Variants in AACS observed in about 807,000 individuals in gnomAD.
AACS encodes acetoacetyl-CoA synthetase, also known as acetoacetate-CoA ligase.
A neutral mutation model predicts 83.1 loss-of-function variants in AACS; 69 were observed. The observed-to-expected ratio is 0.83, with a 90% CI of 0.68 to 1.01. AACS has a LOEUF of 1.01. Among genes scored for constraint, AACS ranks in the 50% least tolerant of loss-of-function variants. The pLI, the probability that AACS is intolerant of heterozygous loss-of-function variation, is 0.00. For missense variants in AACS, 866 were observed against 882.2 expected (o/e 0.98, Z 0.23); for synonymous variants, 333 against 343.4 (o/e 0.97, Z 0.33).
rs922421929 is a variant in AACS, at chr12:125,129,558, C to T, written c.1549+98C>T. The T allele has an allele frequency of 6.2e-6, 9 of 1,456,970 alleles. No individual in the cohort carries two copies. The highest frequency in any genetic ancestry group is 2.2e-5 in the Admixed American group (1 of 45,180). 90.3% of individuals were successfully genotyped at this position (1,456,970 alleles called of 1,614,324 possible). On this transcript the variant is annotated intron_variant, in intron 14 of 17. Transcript: ENST00000316519. This position sits in a 1 kb window ranked among gnomAD's most constrained non-coding sequence, Gnocchi z 4.3. ...CATCGTGCCCCTCCCCTCTTCCTTC[C>T]CCCACCAGGGCTTGGAGAAGCTGCT...
At position 125,113,838 on chromosome 12, in the gene AACS, T is replaced by C. The variant is rs2136109548; in HGVS notation, c.916-639T>C. ...TTTCATAGTATCTGCTTCAGAGTTCTGGACCGTGCAAATACATTGCCTATT... is the reference window on the plus strand; with the variant it reads ...TTTCATAGTATCTGCTTCAGAGTTCCGGACCGTGCAAATACATTGCCTATT... On this transcript the variant is annotated intron_variant, in intron 8 of 17. Transcript: ENST00000316519. The surrounding 1 kb of genome is among the most constrained non-coding windows in gnomAD (Gnocchi z 4.8). Among the ~76,000 whole-genome samples, 1 of 152,304 alleles carries C rather than the reference T, an allele frequency of 6.6e-6. No individual in the cohort carries two copies. The highest frequency in any genetic ancestry group is 2.1e-4 in the South Asian group (1 of 4,816).
intron 1 of AACS, among the ~76,000 whole-genome samples, chr12:125,073,128 C>A (rs1178316960): frequency 6.6e-6 from 1 of 151,938 alleles, no homozygotes; most frequent in East Asian, 1.9e-4. Flanking sequence ...TGGGGTTTCA[C>A]TATTTTGGCC....
intron 5 of AACS, among the ~76,000 whole-genome samples, chr12:125,093,976 G>A (rs779451973): frequency 1.7e-4 from 26 of 152,286 alleles, no homozygotes; most frequent in Middle Eastern, 3.4e-3. Context: ...CATAGCGCTT[G>A]GTCCCACAGA....
Position 125,142,089 on chromosome 12 carries a change from C to T in AACS, c.1882-3C>T, listed in dbSNP as rs756204589. 1.2e-6 allele frequency: 2 copies of T among 1,613,984 alleles called. No homozygotes were observed. The highest frequency in any genetic ancestry group is 1.7e-5 in the Admixed American group (1 of 59,996). ...TTCCTGTTTTTCTACCTTTCCCTCG[C>T]AGTATACGCTCAACGGCAAGAAAGT... On this transcript the variant is annotated splice_polypyrimidine_tract_variant and splice_region_variant and intron_variant, in intron 17 of 17. Transcript: ENST00000316519.
chr12:125,125,527 G>A (rs1418345000), intron 12 of AACS, among the ~76,000 whole-genome samples: 2 of 152,186 alleles, frequency 1.3e-5, no homozygotes, highest in Admixed American at 1.3e-4. Flanking sequence ...TTAGGGTTTT[G>A]ACTGCTCTGC....
In AACS at chr12:125,113,740, A is replaced by G. The variant is rs1956996190; in HGVS notation, c.916-737A>G. Among the ~76,000 whole-genome samples the G allele has an allele frequency of 6.6e-6, 1 of 152,202 alleles. No homozygotes were observed. Among genetic ancestry groups the G allele is most frequent in the Non-Finnish European group, 1.5e-5 (1 of 68,042 alleles). On this transcript the variant is annotated intron_variant, in intron 8 of 17. Coordinates refer to ENST00000316519, the MANE Select transcript of AACS (RefSeq NM_023928.5). The surrounding 1 kb of genome is among the most constrained non-coding windows in gnomAD (Gnocchi z 4.8). The stretch of plus-strand genomic sequence containing the variant: ...ATATGTGCCGGCATCAGCAAGAAAG[A>G]CGTTCACAGGAAACTGCTAGGACCG...
rs1038838206 is a variant in AACS, at chr12:125,110,181, G to A, written c.915+2913G>A. Among the ~76,000 whole-genome samples, 8 of 148,638 alleles carry A rather than the reference G, an allele frequency of 5.4e-5. No individual in the cohort carries two copies. The East Asian group carries it at 9.9e-4, about 18-fold the overall frequency. ...ATTATAGGCGCCCGCGACCACGGCC[G>A]GCTAAGTTTGTGTGTGTGTGTGTGT... On this transcript the variant is annotated intron_variant, in intron 8 of 17. Transcript: ENST00000316519.
chr12:125,087,133 C>T (rs1040089402), intron 4 of AACS, among the ~76,000 whole-genome samples: 1 of 152,100 alleles, frequency 6.6e-6, no homozygotes, highest in African/African-American at 2.4e-5. Flanking sequence ...CTAGAGTTTC[C>T]TGAGGTGCTG....
chr12:125,120,641 G>A (rs1239175192), intron 10 of AACS: 1 of 152,110 alleles, frequency 6.6e-6, no homozygotes, highest in African/African-American at 2.4e-5. Flanking sequence ...GCAGGCACTG[G>A]GTCGGGGGTT....
At chr12:125,066,638 G>A (rs756230573) in intron 1 of AACS, among the ~76,000 whole-genome samples, 4 of 151,758 alleles carry the variant, frequency 2.6e-5, no homozygotes, top group Non-Finnish European at 4.4e-5. Flanking sequence ...TAGTAGAGAC[G>A]GAGTTTCTCC....
At chr12:125,141,988 C>T (rs571079297) in intron 17 of AACS, 104 bp from the exon 18 acceptor site, 32 of 1,448,716 alleles carry the variant, frequency 2.2e-5, no homozygotes, top group South Asian at 1.1e-4. Flanking sequence ...TCACTCTTGG[C>T]ACTCCAGGTG....
chr12:125,115,888 C>T (rs1232785461), intron 9 of AACS, among the ~76,000 whole-genome samples: 1 of 152,082 alleles, frequency 6.6e-6, no homozygotes, highest in African/African-American at 2.4e-5. Context: ...CCCCTGAGAC[C>T]TCACACATAC....
At chr12:125,107,089 C>T in intron 7 of AACS, 32 bp from the exon 8 acceptor site, 1 of 1,613,686 alleles carries the variant, frequency 6.2e-7, no homozygotes. Flanking sequence ...CTGGGACGTT[C>T]ATGGCGTGTT....
intron 5 of AACS, among the ~76,000 whole-genome samples, chr12:125,098,668 TC>T (rs1450428801): frequency 6.6e-6 from 1 of 152,190 alleles, no homozygotes; most frequent in Non-Finnish European, 1.5e-5. Flanking sequence ...GCCAGGCTGG[TC>T]TTGAACTCCT....
At chr12:125,121,658 G>T (rs558801903) in intron 10 of AACS, 2 of 152,418 alleles carry the variant, frequency 1.3e-5, no homozygotes, top group South Asian at 2.1e-4. Flanking sequence ...GGACCCCGGG[G>T]ACTTTGTCCA....
intron 8 of AACS, among the ~76,000 whole-genome samples, chr12:125,108,268 C>T (rs1003499237): frequency 1.2e-4 from 18 of 152,196 alleles, no homozygotes; most frequent in African/African-American, 3.6e-4. Context: ...ACCAAGGTGC[C>T]GCACAGTTGC....
At chr12:125,067,108 C>T (rs562924548) in intron 1 of AACS, among the ~76,000 whole-genome samples, 1 of 152,278 alleles carries the variant, frequency 6.6e-6, no homozygotes, top group African/African-American at 2.4e-5. Flanking sequence ...TCCTTGTTGA[C>T]CACAAAATTG....
At chr12:125,106,912 G>C (rs1013081406) in intron 7 of AACS, among the ~76,000 whole-genome samples, 1 of 152,108 alleles carries the variant, frequency 6.6e-6, no homozygotes, top group African/African-American at 2.4e-5. Flanking sequence ...ACCTTCACTC[G>C]TTCGATGAGT....
intron 13 of AACS, 193 bp downstream of exon 13, chr12:125,128,467 CTG>C (rs1957280774): frequency 4.2e-6 from 2 of 471,126 alleles, no homozygotes; most frequent in South Asian, 8.1e-5. Context: ...TCCCTAGCCT[CTG>C]AGAGGTCAGG....
Sources: allele counts gnomAD v4.1 joint callset (sites outside exome capture counted in the v4.1 genomes callset), GRCh38; gene constraint gnomAD v4.1.1; non-coding constraint Gnocchi (gnomAD v3.1); transcripts MANE v1.5; gene names NCBI Gene and HGNC (gene_info 2026-07-23, HGNC 2026-07-21).